Variants in TTC39C observed in about 807,000 individuals in gnomAD.
TTC39C encodes tetratricopeptide repeat protein 39C.
A neutral mutation model predicts 76.3 loss-of-function variants in TTC39C; 33 were observed. The observed-to-expected ratio is 0.43, with a 90% CI of 0.33 to 0.58. The LOEUF is 0.58. TTC39C is among the 20% of genes least tolerant of loss of function. The pLI, the probability that TTC39C is intolerant of heterozygous loss-of-function variation, is 0.04. For missense variants in TTC39C, 595 were observed against 701.4 expected, an observed-to-expected ratio of 0.85 and a Z score of 1.71; for synonymous variants, 254 against 260.6, an observed-to-expected ratio of 0.97 and a Z score of 0.24.
At chr18:24,099,007 G>GTGTC (rs2084638315) in intron 6 of TTC39C, among the ~76,000 whole-genome samples, 1 of 132,522 alleles carries the variant, frequency 7.5e-6, no homozygotes, top group Non-Finnish European at 1.6e-5. Flanking sequence ...TTAGAGGAAT[G>GTGTC]TGTGTGTGTG....
chr18:24,054,001 T>G (rs1055238267), intron 1 of TTC39C, among the ~76,000 whole-genome samples: 20 of 152,240 alleles, frequency 1.3e-4, no homozygotes, highest in Non-Finnish European at 2.1e-4. Flanking sequence ...CTCCCCTTTT[T>G]TAAATTTTGA....
intron 4 of TTC39C, 104 bp from the exon 5 acceptor site, chr18:24,080,481 A>T: frequency 1.2e-6 from 1 of 820,254 alleles, no homozygotes; most frequent in Non-Finnish European, 1.9e-6. Flanking sequence ...TATGTTTTTT[A>T]CATTTTTGGC....
chr18:24,035,692 G>A (rs7236055), intron 1 of TTC39C, among the ~76,000 whole-genome samples: 6,929 of 132,992 alleles, frequency 0.052, 521 homozygotes, highest in African/African-American at 0.17. Flanking sequence ...CTTATCTAAC[G>A]TATAATTTTC....
At chr18:24,032,460 A>G (rs2083682429) in intron 1 of TTC39C, among the ~76,000 whole-genome samples, 2 of 152,174 alleles carry the variant, frequency 1.3e-5, no homozygotes, top group African/African-American at 4.8e-5. Flanking sequence ...GTTGGATTTC[A>G]GATTTTTTCA....
intron 5 of TTC39C, 110 bp from the exon 6 acceptor site, chr18:24,082,803 T>A (rs1227053050): frequency 8.6e-7 from 1 of 1,157,512 alleles, no homozygotes; most frequent in Non-Finnish European, 1.2e-6. Context: ...GACTGCATAG[T>A]AAGCTTTTTG....
intron 6 of TTC39C, among the ~76,000 whole-genome samples, chr18:24,109,050 A>G (rs751381500): frequency 2.6e-5 from 4 of 152,042 alleles, no homozygotes; most frequent in Non-Finnish European, 4.4e-5. Context: ...ATTTATTTCA[A>G]CATCCCAGCT....
rs768146088 is a variant in TTC39C at position 24,123,943 on chromosome 18, G to C, written c.1296G>C (p.Lys432Asn). 1.9e-6 allele frequency: 3 copies of C among 1,602,074 alleles called. No homozygotes were observed. Among genetic ancestry groups the C allele is most frequent in the Non-Finnish European group, 2.6e-6 (3 of 1,174,518 alleles). ...NNQIEQFSVK[K>N]AERFRKQTPT... ...AGATTGAACAGTTCTCGGTGAAAAAGGTATGTTGGAGCCTATTGATCTGGT... is the reference window on the plus strand; with the variant it reads ...AGATTGAACAGTTCTCGGTGAAAAACGTATGTTGGAGCCTATTGATCTGGT... Residue 432 changes from lysine to asparagine, a missense_variant and splice_region_variant, in exon 9 of 14, where the codon AAG becomes AAC. By Grantham distance (94) the Lys-to-Asn change is moderately conservative (BLOSUM62 0). Transcript: ENST00000317571.
intron 1 of TTC39C, among the ~76,000 whole-genome samples, chr18:24,009,187 C>A (rs906510124): frequency 3.9e-5 from 6 of 152,190 alleles, no homozygotes; most frequent in East Asian, 1.9e-4. Context: ...TGGACATGTA[C>A]CTCCAAACCT....
intron 1 of TTC39C, among the ~76,000 whole-genome samples, chr18:24,033,415 AT>A (rs1361615016): frequency 6.6e-6 from 1 of 152,072 alleles, no homozygotes; most frequent in Non-Finnish European, 1.5e-5. Context: ...CAGGGTTTTC[AT>A]TGCACGTTGA....
At chr18:24,078,282 A>T (rs2145754502) in intron 4 of TTC39C, among the ~76,000 whole-genome samples, 1 of 152,294 alleles carries the variant, frequency 6.6e-6, no homozygotes, top group East Asian at 1.9e-4. Flanking sequence ...TTGTCAGAAA[A>T]TTGATGCATT....
intron 1 of TTC39C, among the ~76,000 whole-genome samples, chr18:24,023,848 A>G (rs2083545561): frequency 6.8e-6 from 1 of 147,818 alleles, no homozygotes; most frequent in Non-Finnish European, 1.5e-5. Flanking sequence ...TTCCCCTTTT[A>G]TGATCCTGAA....
chr18:24,098,194 A>G (rs1424807948), intron 6 of TTC39C, among the ~76,000 whole-genome samples: 1 of 152,138 alleles, frequency 6.6e-6, no homozygotes. Flanking sequence ...CACTGAGGAT[A>G]TGTCTTCATT....
chr18:24,014,956 G>T lies in TTC39C; in HGVS notation c.85G>T (p.Asp29Tyr). 2 of 1,529,964 alleles carry T rather than the reference G, an allele frequency of 1.3e-6. No homozygotes were observed. Among genetic ancestry groups the T allele is most frequent in the Non-Finnish European group, 1.8e-6 (2 of 1,138,480 alleles). 94.8% of individuals were successfully genotyped at this position (1,529,964 alleles called of 1,614,324 possible). A position where few individuals can be genotyped will look rare whatever the true frequency, so the allele number is the denominator to read the frequency against. ...AGCGGCGGCGGCGGCGCCCCTGCAG[G>T]ACGCGGAGCTGGCCCTGGCCGGCAT... Reference protein sequence around the residue: ...AAAAAAAPLQDAELALAGINM... With the variant: ...AAAAAAAPLQYAELALAGINM... Residue 29 changes from aspartate to tyrosine, a missense_variant, in exon 1 of 14, where the codon GAC (aspartate) becomes TAC (tyrosine). Asp to Tyr is a radical substitution (Grantham distance 160, BLOSUM62 -3). Coordinates refer to ENST00000317571, the MANE Select transcript of TTC39C (RefSeq NM_001135993.2).
intron 1 of TTC39C, among the ~76,000 whole-genome samples, chr18:23,997,940 G>T (rs2083282828): frequency 6.6e-6 from 1 of 152,114 alleles, no homozygotes; most frequent in African/African-American, 2.4e-5. Flanking sequence ...CCAATTTGGG[G>T]CATAGAAATG....
At chr18:24,034,178 G>A (rs1226912163) in intron 1 of TTC39C, among the ~76,000 whole-genome samples, 1 of 152,202 alleles carries the variant, frequency 6.6e-6, no homozygotes. Context: ...AGAACTCTTG[G>A]AAAGATCTCA....
At chr18:24,116,112 G>C (rs72881727) in intron 7 of TTC39C, among the ~76,000 whole-genome samples, 18,887 of 152,204 alleles carry the variant, frequency 0.12, 1,345 homozygotes, top group Middle Eastern at 0.28. Context: ...TTATTCCTGA[G>C]TTATTCCTGA....
intron 1 of TTC39C, among the ~76,000 whole-genome samples, chr18:24,049,004 A>G (rs557437702): frequency 5.0e-4 from 76 of 152,338 alleles, no homozygotes; most frequent in African/African-American, 1.8e-3. Context: ...AACTCAAGAG[A>G]AAATTTTATA....
chr18:23,997,876 A>G (rs1027944871), intron 1 of TTC39C, among the ~76,000 whole-genome samples: 11 of 150,576 alleles, frequency 7.3e-5, no homozygotes, highest in Non-Finnish European at 1.3e-4. Context: ...CCCGTCTGAA[A>G]AAAGAAAAAA....
At chr18:24,060,958 C>T (rs1350886541) in intron 1 of TTC39C, among the ~76,000 whole-genome samples, 2 of 152,006 alleles carry the variant, frequency 1.3e-5, no homozygotes, top group African/African-American at 2.4e-5. Flanking sequence ...ATTATATTAC[C>T]AACTGGATTT....
Sources: allele counts gnomAD v4.1 joint callset (sites outside exome capture counted in the v4.1 genomes callset), GRCh38; gene constraint gnomAD v4.1.1; transcripts MANE v1.5; gene names NCBI Gene and HGNC (gene_info 2026-07-23, HGNC 2026-07-21).